The following DPAGT1 variants were observed in gnomAD, a reference collection of about 807,000 sequenced individuals.
DPAGT1 encodes the protein UDP-N-acetylglucosamine--dolichyl-phosphate N-acetylglucosaminephosphotransferase.
DPAGT1 carries 25 observed loss-of-function variants against 39.3 expected under a neutral mutation model. That is an observed-to-expected ratio of 0.64 (90% CI 0.46 to 0.89). The LOEUF (loss-of-function observed/expected upper bound fraction) is 0.89. Ranked by LOEUF, DPAGT1 falls within the 40% of genes least tolerant of loss-of-function variation. The pLI is 0.00. For synonymous variants in DPAGT1, 193 were observed against 201.4 expected (o/e 0.96, Z 0.36); for missense variants, 381 against 500.6 (o/e 0.76, Z 2.28).
rs1363868158 is a variant in DPAGT1 at position 119,096,701 on chromosome 11, A to T, written c.*297T>A. 2.0e-6 allele frequency: 1 copy of T among 491,352 alleles called. No individual in the cohort carries two copies. Among genetic ancestry groups the T allele is most frequent in the Admixed American group, 3.4e-5 (1 of 29,724 alleles). 30.4% of individuals were successfully genotyped at this position (491,352 alleles called of 1,614,324 possible). A position where few individuals can be genotyped will look rare whatever the true frequency, so the allele number is the denominator to read the frequency against. On this transcript the variant is annotated 3_prime_UTR_variant, in exon 9 of 9. Coordinates refer to ENST00000354202, the MANE Select transcript of DPAGT1 (RefSeq NM_001382.4). ...TCAGGACTCTGAAATGTGAGTGTGG[A>T]TAACTGCAAAAAAAGCTGCTGTATC...
At position 119,097,967 on chromosome 11, in the gene DPAGT1, C is replaced by T; in HGVS notation, c.805G>A (p.Gly269Arg). Residue 269 changes from glycine (G) to arginine (R), a missense_variant, in exon 6 of 9, where the codon GGA becomes AGA. By Grantham distance (125) the Gly-to-Arg change is moderately radical (BLOSUM62 -2). Transcript: ENST00000354202. The surrounding 1 kb of genome is among the most constrained non-coding windows in gnomAD (Gnocchi z 4.6). ...AGTAGCATGGTCTTGCTGAAGTGTC[C>T]CAAGATGCCCACCACGGCAAAGGTC... ...GMTFAVVGIL[G>R]HFSKTMLLFF... The T allele has an allele frequency of 6.2e-7, 1 of 1,614,088 alleles. No homozygotes were observed. Among genetic ancestry groups the T allele is most frequent in the East Asian group, 2.2e-5 (1 of 44,868 alleles).
chr11:119,094,803 G>A (rs1349425014), downstream of DPAGT1: 4 of 760,946 alleles, frequency 5.3e-6, no homozygotes, highest in African/African-American at 1.9e-5. Context: ...GAGGCCGGGC[G>A]GCGAAGGCGG....
rs906300520 is a variant in DPAGT1 at position 119,097,104 on chromosome 11, G to C, written c.1161+38C>G. 1.2e-6 allele frequency: 2 copies of C among 1,614,230 alleles called. No individual in the cohort carries two copies. The highest frequency in any genetic ancestry group is 1.7e-6 in the Non-Finnish European group (2 of 1,180,042). Reference sequence around the variant, plus strand: ...GACTGGAGTAAGAATCACGCAGAAAGGGAGACACGGAGGTATAAACTCGAT... The same window carrying C: ...GACTGGAGTAAGAATCACGCAGAAACGGAGACACGGAGGTATAAACTCGAT... On this transcript the variant is annotated intron_variant, in intron 8 of 8. Coordinates refer to ENST00000354202, the MANE Select transcript of DPAGT1 (RefSeq NM_001382.4). This position sits in a 1 kb window ranked among gnomAD's most constrained non-coding sequence, Gnocchi z 4.6.
Position 119,100,415 on chromosome 11 carries a change from G to A in DPAGT1, c.497-7C>T. On this transcript the variant is annotated splice_region_variant and splice_polypyrimidine_tract_variant and intron_variant, in intron 3 of 8. Transcript: ENST00000354202. ...TAGACATAGTACAGGATTCCTGCGG[G>A]GAGAGATGGTAGGAAAAGAAGTAGT... The A allele has an allele frequency of 6.2e-7, 1 of 1,614,226 alleles. No individual in the cohort carries two copies. Among genetic ancestry groups the A allele is most frequent in the Non-Finnish European group, 8.5e-7 (1 of 1,180,042 alleles).
chr11:119,096,547 C>A lies in DPAGT1; in HGVS notation c.*451G>T. ...AACACTTTATTGTCTCCATTGAGAG[C>A]ATGTGGCCCCCTGCTTAGTTCTTAC... On this transcript the variant is annotated 3_prime_UTR_variant, in exon 9 of 9. Transcript: ENST00000354202. 1 of 237,230 alleles carries A rather than the reference C, an allele frequency of 4.2e-6. No individual in the cohort carries two copies. The highest frequency in any genetic ancestry group is 5.2e-5 in the Admixed American group (1 of 19,402). The allele number at this position is 237,230 out of a possible 1,614,324, so 14.7% of individuals were successfully genotyped here.
intron 4 of DPAGT1, among the ~76,000 whole-genome samples, chr11:119,098,731 A>G (rs1946442463): frequency 6.6e-6 from 1 of 152,220 alleles, no homozygotes; most frequent in Admixed American, 6.5e-5. Context: ...AAGTTTGGAT[A>G]CCAACTTTAC....
downstream of DPAGT1, chr11:119,096,467 C>A: frequency 5.6e-6 from 1 of 178,334 alleles, no homozygotes; most frequent in Admixed American, 5.4e-5. Context: ...CCCTCCCAAT[C>A]TACCCAAAAA....
At position 119,097,304 on chromosome 11, in the gene DPAGT1, G is replaced by A. The variant is rs778250734; in HGVS notation, c.1006-7C>T. 1.9e-6 allele frequency: 3 copies of A among 1,614,182 alleles called. No homozygotes were observed. Among genetic ancestry groups the A allele is most frequent in the South Asian group, 2.2e-5 (2 of 91,086 alleles). ...GCTGGAGGCTCTCTGCCACCTGGAG[G>A]GACCAGAGGTGAAGAGAACCTCAGC... On this transcript the variant is annotated splice_region_variant and splice_polypyrimidine_tract_variant and intron_variant, in intron 7 of 8. Coordinates refer to ENST00000354202, the MANE Select transcript of DPAGT1 (RefSeq NM_001382.4). The surrounding 1 kb of genome is among the most constrained non-coding windows in gnomAD (Gnocchi z 4.6).
Position 119,097,396 on chromosome 11 carries a change from G to T in DPAGT1, c.1005+68C>A. ...CAAGTTCCCCTTGGATCTGATGTAG[G>T]ACTAGGTTCCCCATTCCTCAAGGTC... On this transcript the variant is annotated intron_variant, in intron 7 of 8. Coordinates refer to ENST00000354202, the MANE Select transcript of DPAGT1 (RefSeq NM_001382.4). This position sits in a 1 kb window ranked among gnomAD's most constrained non-coding sequence, Gnocchi z 4.6. 6.2e-7 allele frequency: 1 copy of T among 1,611,390 alleles called. No individual in the cohort carries two copies. The highest frequency in any genetic ancestry group is 1.1e-5 in the South Asian group (1 of 90,988).
downstream of DPAGT1, chr11:119,094,465 G>A (rs1946356809): frequency 6.6e-6 from 1 of 152,418 alleles, no homozygotes; most frequent in Non-Finnish European, 1.5e-5. Flanking sequence ...CTCACCTTCA[G>A]GGCCGCCGGC....
rs764995440 is a variant in DPAGT1 at position 119,097,474 on chromosome 11, A to T, written c.995T>A (p.Phe332Tyr). 3.1e-6 allele frequency: 5 copies of T among 1,614,198 alleles called. No individual in the cohort carries two copies. Among genetic ancestry groups the T allele is most frequent in the Non-Finnish European group, 4.2e-6 (5 of 1,180,040 alleles). ...TTGTTACCCTGTTACCTTTAAAATA[A>T]AGGTGCCCAAGAAAGAGAGGCTCTT... ...KTKSLSFLGT[F>Y]ILKVAESLQL... The change falls in exon 7 of 9, where the codon TTT becomes TAT. Residue 332 changes from phenylalanine (F) to tyrosine (Y), a missense_variant. Physicochemically the swap from Phe to Tyr is conservative, Grantham distance 22. Transcript: ENST00000354202. This position sits in a 1 kb window ranked among gnomAD's most constrained non-coding sequence, Gnocchi z 4.6.
At position 119,096,908 on chromosome 11, in the gene DPAGT1, G is replaced by T; in HGVS notation, c.*90C>A. Reference sequence around the variant, plus strand: ...GGAGTATGAAGAGTGAGAGAGGCCTGGGCAAGGAGGCAGTCTGGGACCAGA... The same window carrying T: ...GGAGTATGAAGAGTGAGAGAGGCCTTGGCAAGGAGGCAGTCTGGGACCAGA... On this transcript the variant is annotated 3_prime_UTR_variant, in exon 9 of 9. Coordinates refer to ENST00000354202, the MANE Select transcript of DPAGT1 (RefSeq NM_001382.4). 1 of 1,451,822 alleles carries T rather than the reference G, an allele frequency of 6.9e-7. No homozygotes were observed. Among genetic ancestry groups the T allele is most frequent in the Non-Finnish European group, 9.6e-7 (1 of 1,043,282 alleles). The allele number at this position is 1,451,822 out of a possible 1,614,324, so 89.9% of individuals were successfully genotyped here. A position where few individuals can be genotyped will look rare whatever the true frequency, so the allele number is the denominator to read the frequency against.
downstream of DPAGT1, chr11:119,094,845 C>T: frequency 9.0e-7 from 1 of 1,111,686 alleles, no homozygotes; most frequent in Non-Finnish European, 1.2e-6. Context: ...GGAGCCGCGG[C>T]CCGCTTGCCC....
At chr11:119,100,227 C>G in intron 4 of DPAGT1, 35 bp downstream of exon 4, 1 of 1,613,866 alleles carries the variant, frequency 6.2e-7, no homozygotes, top group Non-Finnish European at 8.5e-7. Context: ...CTTTAACACT[C>G]AGACTTCTCT....
chr11:119,095,349 TG>T, downstream of DPAGT1: 1 of 1,597,924 alleles, frequency 6.3e-7, no homozygotes, highest in Non-Finnish European at 8.5e-7. Flanking sequence ...GAGCGCGACT[TG>T]GCCTTGGCGC....
Position 119,101,678 on chromosome 11 carries a change from T to C in DPAGT1, c.-23A>G, listed in dbSNP as rs781059293. Reference sequence around the variant, plus strand: ...CATGGTGACCGGTCAGGGGCCCGGCTCCGCCGCCTCTTCAGGTAACGGGCA... The same window carrying C: ...CATGGTGACCGGTCAGGGGCCCGGCCCCGCCGCCTCTTCAGGTAACGGGCA... On this transcript the variant is annotated 5_prime_UTR_variant, in exon 1 of 9. Coordinates refer to ENST00000354202, the MANE Select transcript of DPAGT1 (RefSeq NM_001382.4). 1.9e-6 allele frequency: 3 copies of C among 1,614,014 alleles called. No individual in the cohort carries two copies. The African/African-American group carries it at 4.0e-5, about 22-fold the overall frequency.
rs1592230058 is a variant in DPAGT1, at chr11:119,101,360, A to G, written c.161+135T>C. 4.5e-6 allele frequency: 7 copies of G among 1,543,400 alleles called. 1 individual carries two copies. In the South Asian group the frequency reaches 7.9e-5, roughly 17 times the overall value. On this transcript the variant is annotated intron_variant, in intron 1 of 8. Coordinates refer to ENST00000354202, the MANE Select transcript of DPAGT1 (RefSeq NM_001382.4). ...CCAATGCGAGTAAGTTCTGCTCATC[A>G]CCTCTCCGAGTTCCAGGCTGCCTGG... is the stretch of plus-strand genomic sequence containing the variant.
rs1486810817 is a variant in DPAGT1 at position 119,097,892 on chromosome 11, G to C, written c.880C>G (p.Leu294Val). The change falls in exon 6 of 9, where the codon CTG becomes GTG. Residue 294 changes from leucine to valine, a missense_variant. Leu to Val is a conservative substitution (Grantham distance 32). Transcript: ENST00000354202. This position sits in a 1 kb window ranked among gnomAD's most constrained non-coding sequence, Gnocchi z 4.6. ...TGGCGAGGGCAGGGGATGATATGCA[G>C]GAGCTGAGGCAGTGAGTAGAGGAAG... The part of the protein sequence containing the change: ...FNFLYSLPQL[L>V]HIIPCPRHRI... 2 of 1,614,096 alleles carry C rather than the reference G, an allele frequency of 1.2e-6. No homozygotes were observed. Among genetic ancestry groups the C allele is most frequent in the Admixed American group, 3.3e-5 (2 of 60,004 alleles).
chr11:119,100,706 A>G lies in DPAGT1; in HGVS notation c.420T>C (p.Tyr140=). 1 of 1,614,176 alleles carries G rather than the reference A, an allele frequency of 6.2e-7. No individual in the cohort carries two copies. The highest frequency in any genetic ancestry group is 8.5e-7 in the Non-Finnish European group (1 of 1,180,022). ...TAASLPLLMV[Y]FTNFGNTTIV... Reference sequence around the variant, plus strand: ...TGGTCGTGTTGCCAAAGTTGGTGAAATAGACCATGAGGAGAGGTAGTGAGG... The same window carrying G: ...TGGTCGTGTTGCCAAAGTTGGTGAAGTAGACCATGAGGAGAGGTAGTGAGG... Residue 140 remains tyrosine, a synonymous_variant, in exon 3 of 9, where the codon TAT becomes TAC. Transcript: ENST00000354202.
Sources: gnomAD v4.1 joint callset for allele counts (sites outside exome capture counted in the v4.1 genomes callset) on GRCh38, gnomAD v4.1.1 for gene constraint, Gnocchi (gnomAD v3.1) non-coding constraint, MANE v1.5 for transcripts, NCBI Gene and HGNC (gene_info 2026-07-23, HGNC 2026-07-21) for gene names.